SMAD9: variants seen among roughly 807,000 people sequenced by gnomAD.
SMAD9 encodes SMAD family member 9.
SMAD9 carries 36 observed loss-of-function variants against 46.1 expected under a neutral mutation model. That is an observed-to-expected ratio of 0.78 (90% CI 0.60 to 1.03). The LOEUF (loss-of-function observed/expected upper bound fraction) is 1.03, where lower values mean the gene tolerates loss of function less well. Ranked by LOEUF, SMAD9 falls within the 50% of genes least tolerant of loss-of-function variation. The pLI is 0.00. For synonymous variants in SMAD9, 245 were observed against 237.1 expected (o/e 1.03, Z -0.31); for missense variants, 572 against 599.8 (o/e 0.95, Z 0.48).
rs1401452401 is a variant in SMAD9 at position 36,846,622 on chromosome 13, G to T, written c.*2054C>A. 2 of 151,916 alleles carry T rather than the reference G, an allele frequency of 1.3e-5. No homozygotes were observed. The highest frequency in any genetic ancestry group is 2.4e-5 in the African/African-American group (1 of 41,342). The allele number at this position is 151,916 out of a possible 1,614,324, so 9.4% of individuals were successfully genotyped here. ...CCCATACAAGATTCACCATATTAAT[G>T]CCTTTTCTAAGAAAAGGGGACATGG... On this transcript the variant is annotated 3_prime_UTR_variant, in exon 7 of 7. Coordinates refer to ENST00000379826, the MANE Select transcript of SMAD9 (RefSeq NM_001127217.3).
At chr13:36,917,787 T>C (rs940378950) in intron 1 of SMAD9, among the ~76,000 whole-genome samples, 3 of 152,226 alleles carry the variant, frequency 2.0e-5, no homozygotes, top group African/African-American at 7.2e-5. Context: ...GAATGTCAGA[T>C]ATAAAGTAGT....
At chr13:36,865,507 T>C (rs761760821) in intron 5 of SMAD9, 30 bp downstream of exon 5, 8 of 1,573,616 alleles carry the variant, frequency 5.1e-6, no homozygotes, top group African/African-American at 1.3e-5. Context: ...TTCGGCTAGA[T>C]GACTAAAGGA....
chr13:36,905,211 A>T (rs934858354), intron 1 of SMAD9, among the ~76,000 whole-genome samples: 16 of 152,148 alleles, frequency 1.1e-4, no homozygotes, highest in Admixed American at 1.0e-3. Context: ...TCCCAATACC[A>T]ACAGAGTGGA....
At chr13:36,866,828 A>G (rs1244125489) in intron 4 of SMAD9, among the ~76,000 whole-genome samples, 1 of 152,216 alleles carries the variant, frequency 6.6e-6, no homozygotes, top group East Asian at 1.9e-4. Flanking sequence ...TTATATGAAC[A>G]TTAAGGTCGA....
chr13:36,896,977 G>GA (rs567389502), intron 1 of SMAD9, among the ~76,000 whole-genome samples: 169 of 142,528 alleles, frequency 1.2e-3, no homozygotes, highest in East Asian at 1.6e-3. Flanking sequence ...GCCATAATTT[G>GA]AAAAAAAAAA....
chr13:36,894,833 A>T (rs2058515629), intron 1 of SMAD9, among the ~76,000 whole-genome samples: 1 of 152,186 alleles, frequency 6.6e-6, no homozygotes, highest in Admixed American at 6.5e-5. Context: ...TCATTGAGAA[A>T]TGCAAATGAT....
chr13:36,850,883 T>C (rs529273628), intron 6 of SMAD9, among the ~76,000 whole-genome samples: 4 of 152,318 alleles, frequency 2.6e-5, no homozygotes, highest in South Asian at 2.1e-4. Context: ...TCCATCTTGA[T>C]TGAAGGCAAC....
chr13:36,869,563 TG>T (rs1369715296), intron 3 of SMAD9, among the ~76,000 whole-genome samples: 1 of 151,994 alleles, frequency 6.6e-6, no homozygotes, highest in Non-Finnish European at 1.5e-5. Flanking sequence ...CTGGGTGCAG[TG>T]GAGCATGCCT....
intron 1 of SMAD9, among the ~76,000 whole-genome samples, chr13:36,911,830 T>C (rs1418810158): frequency 6.6e-6 from 1 of 152,202 alleles, no homozygotes; most frequent in Admixed American, 6.5e-5. Context: ...TGCCTCAGCC[T>C]CCCCAGTAGC....
At position 36,883,632 on chromosome 13, in the gene SMAD9, T is replaced by C. The variant is rs549033040; in HGVS notation, c.-186-3757A>G. The stretch of plus-strand genomic sequence containing the variant: ...TGGGCGTGGTGGCGGGTACATGTAG[T>C]CCCAGCTTCTTGAAAGGCTGAGGTA... On this transcript the variant is annotated intron_variant, in intron 1 of 6. Coordinates refer to ENST00000379826, the MANE Select transcript of SMAD9 (RefSeq NM_001127217.3). 2.0e-4 allele frequency among the ~76,000 whole-genome samples: 31 copies of C among 152,252 alleles called. 1 individual carries two copies. The South Asian group carries it at 6.0e-3, about 30-fold the overall frequency.
At position 36,881,696 on chromosome 13, in the gene SMAD9, T is replaced by C. The variant is rs888978548; in HGVS notation, c.-186-1821A>G. On this transcript the variant is annotated intron_variant, in intron 1 of 6. Coordinates refer to ENST00000379826, the MANE Select transcript of SMAD9 (RefSeq NM_001127217.3). ...GCAGTTTGACTTACACTCAGTTTTA[T>C]TTGGAAAGGTTGATTTTGTGGCTTA... Among the ~76,000 whole-genome samples, 6 of 152,364 alleles carry C rather than the reference T, an allele frequency of 3.9e-5. No homozygotes were observed. In the East Asian group the frequency reaches 1.2e-3, roughly 29 times the overall value.
intron 1 of SMAD9, among the ~76,000 whole-genome samples, chr13:36,913,917 T>C (rs1226600533): frequency 6.6e-6 from 1 of 152,212 alleles, no homozygotes; most frequent in Non-Finnish European, 1.5e-5. Flanking sequence ...ATGTCATTAA[T>C]AATAATCACC....
At chr13:36,895,336 T>TCTAGCATAGGTTTCTCAACCTCAA (rs2058519431) in intron 1 of SMAD9, among the ~76,000 whole-genome samples, 1 of 152,178 alleles carries the variant, frequency 6.6e-6, no homozygotes, top group Non-Finnish European at 1.5e-5. Context: ...GATCTAAAGA[T>TCTAGCATAGGTTTCTCAACCTCAA]CTAGCATAGG....
Position 36,879,327 on chromosome 13 carries a change from C to T in SMAD9, c.363G>A (p.Gln121=), listed in dbSNP as rs749422927. The change falls in exon 2 of 7, where the codon CAG becomes CAA. Residue 121 remains glutamine, a synonymous_variant. Transcript: ENST00000379826. ...GGTAAGGGTTAATGCACACTTCTTT[C>T]TGCTTGGAGCCAAATGGGAACTCAC... is the stretch of plus-strand genomic sequence containing the variant. The part of the protein sequence containing the change: ...ECCEFPFGSK[Q]KEVCINPYHY... 3.7e-6 allele frequency: 6 copies of T among 1,614,168 alleles called. No homozygotes were observed. The highest frequency in any genetic ancestry group is 2.2e-5 in the South Asian group (2 of 91,084).
chr13:36,853,821 G>T, intron 5 of SMAD9, 146 bp from the exon 6 acceptor site: 3 of 832,446 alleles, frequency 3.6e-6, no homozygotes, highest in South Asian at 2.9e-5. Context: ...CCTAAATGCC[G>T]CTTAGTTTAA....
At chr13:36,891,491 G>C (rs968224783) in intron 1 of SMAD9, among the ~76,000 whole-genome samples, 2 of 152,194 alleles carry the variant, frequency 1.3e-5, no homozygotes, top group Non-Finnish European at 2.9e-5. Flanking sequence ...CTAGGTGAAG[G>C]GGGAGATGTG....
rs200128397 is a variant in SMAD9 at position 36,861,946 on chromosome 13, C to G, written c.1003+3591G>C. ...TCCCGTCTCAAAAAAAAAAAAAAAT[C>G]TTCCATCCTTGCCCATCACCGTCTA... is the stretch of plus-strand genomic sequence containing the variant. On this transcript the variant is annotated intron_variant, in intron 5 of 6. Transcript: ENST00000379826. Among the ~76,000 whole-genome samples, 28 of 151,464 alleles carry G rather than the reference C, an allele frequency of 1.8e-4. No individual in the cohort carries two copies. The East Asian group carries it at 3.1e-3, about 17-fold the overall frequency.
chr13:36,853,821 G>A (rs1467688585), intron 5 of SMAD9, 146 bp from the exon 6 acceptor site: 12 of 832,332 alleles, frequency 1.4e-5, no homozygotes, highest in Admixed American at 5.9e-5. Context: ...CCTAAATGCC[G>A]CTTAGTTTAA....
In SMAD9 at chr13:36,920,211, G is replaced by GGCA. The variant is rs1202491894; in HGVS notation, c.-283_-282insTGC. On this transcript the variant is annotated 5_prime_UTR_variant, in exon 1 of 7. Transcript: ENST00000379826. Reference sequence around the variant, plus strand: ...CAGCGGCGGCGGCGGCGGCGGCGGCGGCGGCCCCAGCCGGCGTCAGTCAGA... The same window carrying GGCA: ...CAGCGGCGGCGGCGGCGGCGGCGGCGGCAGCGGCCCCAGCCGGCGTCAGTCAGA... 2.9e-5 allele frequency: 4 copies of GGCA among 139,312 alleles called. No individual in the cohort carries two copies. Among genetic ancestry groups the GGCA allele is most frequent in the African/African-American group, 1.1e-4 (4 of 37,468 alleles). 8.6% of individuals were successfully genotyped at this position (139,312 alleles called of 1,614,324 possible).
Sources: allele counts gnomAD v4.1 joint callset (sites outside exome capture counted in the v4.1 genomes callset), GRCh38; gene constraint gnomAD v4.1.1; transcripts MANE v1.5; gene names NCBI Gene and HGNC (gene_info 2026-07-23, HGNC 2026-07-21).